CHN2: variants seen among roughly 807,000 people sequenced by gnomAD.
The protein encoded by CHN2 is beta-chimaerin.
CHN2 carries 35 observed loss-of-function variants against 56.3 expected under a neutral mutation model. The observed-to-expected ratio is 0.62, with a 90% CI of 0.47 to 0.82. The LOEUF (loss-of-function observed/expected upper bound fraction) is 0.82, where lower values mean the gene tolerates loss of function less well. Among genes scored for constraint, CHN2 ranks in the 40% least tolerant of loss-of-function variants. CHN2 has a pLI of 0.00. For missense variants in CHN2, 491 were observed against 580.5 expected (o/e 0.85, Z 1.58); for synonymous variants, 210 against 212.8 (o/e 0.99, Z 0.12).
intron 1 of CHN2, among the ~76,000 whole-genome samples, chr7:29,238,719 C>T (rs1209843734): frequency 1.3e-5 from 2 of 152,072 alleles, no homozygotes; most frequent in African/African-American, 4.8e-5. Context: ...GAGGGCCTTC[C>T]CAAGGTGGGG....
intron 7 of CHN2, among the ~76,000 whole-genome samples, chr7:29,486,793 C>T (rs1788060134): frequency 6.6e-6 from 1 of 152,124 alleles, no homozygotes; most frequent in Non-Finnish European, 1.5e-5. Context: ...ACTAGAAGTT[C>T]AAGAAGCTAA....
At chr7:29,203,578 T>C (rs1322843449) in intron 1 of CHN2, among the ~76,000 whole-genome samples, 1 of 152,174 alleles carries the variant, frequency 6.6e-6, no homozygotes, top group African/African-American at 2.4e-5. Context: ...ACTAGAATAT[T>C]TGAAGTTACA....
intron 3 of CHN2, among the ~76,000 whole-genome samples, chr7:29,383,918 A>G (rs1800725081): frequency 6.6e-6 from 1 of 152,240 alleles, no homozygotes; most frequent in South Asian, 2.1e-4. Flanking sequence ...TTCGTAGTCT[A>G]GATGAGTAGA....
intron 1 of CHN2, among the ~76,000 whole-genome samples, chr7:29,228,108 A>C (rs960849596): frequency 6.6e-6 from 1 of 151,694 alleles, no homozygotes; most frequent in African/African-American, 2.4e-5. Flanking sequence ...TCTAATTAAC[A>C]TAGAAGCTAC....
intron 6 of CHN2, among the ~76,000 whole-genome samples, chr7:29,426,272 T>G (rs1216553908): frequency 6.7e-6 from 1 of 150,000 alleles, no homozygotes; most frequent in African/African-American, 2.5e-5. Context: ...GACACTGGGA[T>G]TTTTGCATCA....
chr7:29,507,196 A>C (rs1259533199), intron 10 of CHN2, 32 bp from the exon 11 acceptor site: 2 of 1,578,716 alleles, frequency 1.3e-6, no homozygotes, highest in Non-Finnish European at 1.7e-6. Context: ...ATAAGGTCCT[A>C]ATTAGGACTT....
At chr7:29,166,646 G>T (rs1795953929) in intron 2 of CHN2, among the ~76,000 whole-genome samples, 1 of 151,844 alleles carries the variant, frequency 6.6e-6, no homozygotes, top group Non-Finnish European at 1.5e-5. Context: ...AAATATTATG[G>T]CAAAAAAGAT....
Position 29,304,839 on chromosome 7 carries a change from C to T in CHN2, c.50-49786C>T, listed in dbSNP as rs76345359. On this transcript the variant is annotated intron_variant, in intron 1 of 12. Coordinates refer to ENST00000222792, the MANE Select transcript of CHN2 (RefSeq NM_004067.4). ...CCTCTTGAATGGTTTAAATAAGTGT[C>T]GTCTGCATTTTGAAGGACACAATAG... 1.7e-3 allele frequency among the ~76,000 whole-genome samples: 252 copies of T among 152,286 alleles called. 8 individuals carry two copies. In the East Asian group the frequency reaches 0.042, roughly 26 times the overall value.
chr7:29,159,863 G>A (rs1344146356), intron 2 of CHN2, among the ~76,000 whole-genome samples: 1 of 152,184 alleles, frequency 6.6e-6, no homozygotes, highest in East Asian at 1.9e-4. Context: ...TGTAATGCAA[G>A]TGCCTAGAAC....
chr7:29,400,856 T>G, intron 6 of CHN2, 28 bp downstream of exon 6: 1 of 1,606,072 alleles, frequency 6.2e-7, no homozygotes, highest in Non-Finnish European at 8.5e-7. Flanking sequence ...GAAGCAGCCT[T>G]TCGTTTTAAT....
chr7:29,264,872 CA>C (rs570169872), intron 1 of CHN2, among the ~76,000 whole-genome samples: 1,966 of 114,096 alleles, frequency 0.017, 12 homozygotes, highest in Non-Finnish European at 0.026. Flanking sequence ...CTGTTAAAAG[CA>C]AAAAAAAAAA....
At chr7:29,252,595 T>TGTTTTGTTTTGTTTTG (rs1562866616) in intron 1 of CHN2, among the ~76,000 whole-genome samples, 2 of 43,566 alleles carry the variant, frequency 4.6e-5, no homozygotes, top group South Asian at 7.3e-4. Context: ...TTTTTTTTTT[T>TGTTTTGTTTTGTTTTG]TTTTTTTTTT....
chr7:29,248,577 G>A (rs180684763), intron 1 of CHN2, among the ~76,000 whole-genome samples: 9 of 152,286 alleles, frequency 5.9e-5, no homozygotes, highest in African/African-American at 1.7e-4. Flanking sequence ...AGTTCTGATC[G>A]TGTCATCGCA....
intron 6 of CHN2, among the ~76,000 whole-genome samples, chr7:29,407,312 A>G (rs1416965730): frequency 2.6e-5 from 4 of 151,936 alleles, no homozygotes; most frequent in African/African-American, 9.7e-5. Flanking sequence ...GGGATCCACA[A>G]CTGTGCCACT....
chr7:29,393,924 C>T (rs567405741), intron 4 of CHN2, among the ~76,000 whole-genome samples: 5 of 152,070 alleles, frequency 3.3e-5, no homozygotes, highest in Non-Finnish European at 7.4e-5. Context: ...GAGCATTTTG[C>T]GCTACTTTTC....
intron 1 of CHN2, among the ~76,000 whole-genome samples, chr7:29,340,779 C>T (rs999671013): frequency 3.3e-5 from 5 of 152,184 alleles, no homozygotes; most frequent in Non-Finnish European, 7.3e-5. Flanking sequence ...GACTAATTCT[C>T]GGCACATATA....
At chr7:29,264,366 T>C (rs1789933545) in intron 1 of CHN2, among the ~76,000 whole-genome samples, 1 of 152,176 alleles carries the variant, frequency 6.6e-6, no homozygotes. Context: ...TTTTGTGGAA[T>C]AGAAAAGGGA....
Position 29,507,318 on chromosome 7 carries a change from T to C in CHN2, c.1082T>C (p.Ile361Thr). ...AAACTGTATTTCAGAGACTTACCCA[T>C]CCCTGTCATCACATATGATACCTAT... Reference protein sequence around the residue: ...ALKLYFRDLPIPVITYDTYSK... With the variant: ...ALKLYFRDLPTPVITYDTYSK... The change falls in exon 11 of 13, where the codon ATC (isoleucine) becomes ACC (threonine). Residue 361 changes from isoleucine to threonine, a missense_variant. By Grantham distance (89) the Ile-to-Thr change is moderately conservative (BLOSUM62 -1). Coordinates refer to ENST00000222792, the MANE Select transcript of CHN2 (RefSeq NM_004067.4). The C allele has an allele frequency of 6.2e-7, 1 of 1,613,044 alleles. No homozygotes were observed. Among genetic ancestry groups the C allele is most frequent in the Non-Finnish European group, 8.5e-7 (1 of 1,179,092 alleles).
chr7:29,469,712 C>T (rs1405446437), intron 6 of CHN2, among the ~76,000 whole-genome samples: 7 of 152,192 alleles, frequency 4.6e-5, no homozygotes, highest in Admixed American at 6.5e-5. Context: ...TGTAACCTCC[C>T]TCTCACTTCC....
Sources: gnomAD v4.1 joint callset for allele counts (sites outside exome capture counted in the v4.1 genomes callset) on GRCh38, gnomAD v4.1.1 for gene constraint, MANE v1.5 for transcripts, NCBI Gene and HGNC (gene_info 2026-07-23, HGNC 2026-07-21) for gene names.